COX7B2: variants seen among roughly 807,000 people sequenced by gnomAD.
The protein encoded by COX7B2 is cytochrome c oxidase subunit 7B2, also known as cytochrome c oxidase subunit 7B2, mitochondrial.
For missense variants in COX7B2, 109 were observed against 95.9 expected, an observed-to-expected ratio of 1.14 and a Z score of -0.57; for synonymous variants, 37 against 32.1, an observed-to-expected ratio of 1.15 and a Z score of -0.51.
At chr4:46,762,781 A>G (rs1465875876) in intron 2 of COX7B2, among the ~76,000 whole-genome samples, 1 of 148,000 alleles carries the variant, frequency 6.8e-6, no homozygotes, top group African/African-American at 2.5e-5. Context: ...TTATCTTCAT[A>G]TACATATGAA....
At chr4:46,753,105 G>A (rs1168364199) in intron 2 of COX7B2, among the ~76,000 whole-genome samples, 1 of 152,034 alleles carries the variant, frequency 6.6e-6, no homozygotes, top group Non-Finnish European at 1.5e-5. Flanking sequence ...GCCTGTTATC[G>A]GTCTATTCAG....
intron 2 of COX7B2, among the ~76,000 whole-genome samples, chr4:46,765,407 C>T (rs1716472565): frequency 6.6e-6 from 1 of 152,144 alleles, no homozygotes; most frequent in Admixed American, 6.5e-5. Flanking sequence ...ACTAGACCAG[C>T]CGCAGGCACC....
At chr4:46,757,444 C>A (rs960603493) in intron 2 of COX7B2, among the ~76,000 whole-genome samples, 5 of 152,048 alleles carry the variant, frequency 3.3e-5, no homozygotes, top group African/African-American at 9.7e-5. Flanking sequence ...TGCACTTGTA[C>A]CCCTTAAATT....
intron 2 of COX7B2, among the ~76,000 whole-genome samples, chr4:46,750,149 C>T (rs2109427374): frequency 6.7e-6 from 1 of 149,310 alleles, no homozygotes; most frequent in Non-Finnish European, 1.5e-5. Context: ...TCGCTTGAGG[C>T]CAGGAGTTAA....
intron 2 of COX7B2, among the ~76,000 whole-genome samples, chr4:46,760,370 T>G (rs1274584276): frequency 6.6e-6 from 1 of 152,148 alleles, no homozygotes; most frequent in Non-Finnish European, 1.5e-5. Context: ...TGGAATACTA[T>G]GCAGTCATAA....
chr4:46,858,250 T>TG (rs759206310), intron 1 of COX7B2, among the ~76,000 whole-genome samples: 16 of 152,068 alleles, frequency 1.1e-4, no homozygotes, highest in Non-Finnish European at 5.9e-5. Flanking sequence ...CACACCACCA[T>TG]GCCCAGCTAA....
chr4:46,831,579 T>C (rs1310009899), intron 2 of COX7B2, among the ~76,000 whole-genome samples: 1 of 152,160 alleles, frequency 6.6e-6, no homozygotes, highest in East Asian at 1.9e-4. Flanking sequence ...GAATCAGCAC[T>C]CTGTACCTAG....
intron 2 of COX7B2, among the ~76,000 whole-genome samples, chr4:46,745,802 C>T (rs1714990299): frequency 6.6e-6 from 1 of 152,086 alleles, no homozygotes; most frequent in Non-Finnish European, 1.5e-5. Context: ...TAAAAACATG[C>T]AACAAAAAAT....
intron 2 of COX7B2, among the ~76,000 whole-genome samples, chr4:46,786,066 T>A (rs1429108369): frequency 2.6e-5 from 4 of 152,044 alleles, no homozygotes; most frequent in African/African-American, 4.8e-5. Context: ...TTTTCATGGT[T>A]AAAAGAAAAT....
intron 2 of COX7B2, among the ~76,000 whole-genome samples, chr4:46,770,645 C>T (rs10020633): frequency 0.17 from 24,968 of 149,420 alleles, 2,224 homozygotes; most frequent in South Asian, 0.35. Flanking sequence ...CCCACTGGAA[C>T]AGAATAGAGA....
chr4:46,810,648 CCTT>C (rs1319591166), intron 2 of COX7B2, among the ~76,000 whole-genome samples: 1 of 152,010 alleles, frequency 6.6e-6, no homozygotes, highest in African/African-American at 2.4e-5. Flanking sequence ...TGACTTTTAA[CCTT>C]CATACTAGAG....
At chr4:46,761,905 C>T (rs1716167420) in intron 2 of COX7B2, among the ~76,000 whole-genome samples, 1 of 151,770 alleles carries the variant, frequency 6.6e-6, no homozygotes, top group Non-Finnish European at 1.5e-5. Flanking sequence ...ATCACAACTG[C>T]TGCCTACTCA....
intron 2 of COX7B2, among the ~76,000 whole-genome samples, chr4:46,766,247 CT>C (rs1716526875): frequency 6.6e-6 from 1 of 152,142 alleles, no homozygotes; most frequent in South Asian, 2.1e-4. Context: ...TCAGAATATT[CT>C]TTTATTGTAA....
At chr4:46,776,828 C>T (rs148283487) in intron 2 of COX7B2, among the ~76,000 whole-genome samples, 4 of 152,248 alleles carry the variant, frequency 2.6e-5, no homozygotes, top group African/African-American at 9.6e-5. Context: ...GGATCTCCAA[C>T]AGTTCTATCC....
intron 2 of COX7B2, among the ~76,000 whole-genome samples, chr4:46,839,712 T>C (rs534319513): frequency 6.6e-6 from 1 of 152,244 alleles, no homozygotes; most frequent in South Asian, 2.1e-4. Flanking sequence ...TATCATATTA[T>C]ATATTCTATA....
At chr4:46,758,298 T>C (rs1053719939) in intron 2 of COX7B2, among the ~76,000 whole-genome samples, 2 of 152,112 alleles carry the variant, frequency 1.3e-5, no homozygotes, top group Non-Finnish European at 1.5e-5. Context: ...GTATAGAGCA[T>C]AGAAAATGTA....
At chr4:46,908,917 C>G (rs971053571) in intron 1 of COX7B2, among the ~76,000 whole-genome samples, 1 of 151,500 alleles carries the variant, frequency 6.6e-6, no homozygotes, top group East Asian at 1.9e-4. Context: ...GGTGGCGGGC[C>G]CCTGTAGTCC....
At chr4:46,770,673 C>T (rs1186945686) in intron 2 of COX7B2, among the ~76,000 whole-genome samples, 1 of 151,340 alleles carries the variant, frequency 6.6e-6, no homozygotes, top group African/African-American at 2.4e-5. Flanking sequence ...AAAAAAAACA[C>T]ACGTTTATGG....
intron 1 of COX7B2, among the ~76,000 whole-genome samples, chr4:46,855,679 A>AT (rs1716967505): frequency 6.6e-6 from 1 of 152,172 alleles, no homozygotes; most frequent in African/African-American, 2.4e-5. Flanking sequence ...TTGAACTCAT[A>AT]TAATGAAGAG....
Sources: gnomAD v4.1 joint callset for allele counts (sites outside exome capture counted in the v4.1 genomes callset) on GRCh38, gnomAD v4.1.1 for gene constraint, MANE v1.5 for transcripts, NCBI Gene and HGNC (gene_info 2026-07-23, HGNC 2026-07-21) for gene names.